Variants in ARHGAP40 observed in about 807,000 individuals in gnomAD.
ARHGAP40 encodes the protein rho GTPase-activating protein 40.
In ARHGAP40, 43 loss-of-function variants were observed where a neutral mutation model predicts 73.5. The ratio of observed to expected loss-of-function variants is 0.58; its 90% CI spans 0.46 to 0.75. The LOEUF is 0.75. ARHGAP40 is among the 30% of genes least tolerant of loss of function. The pLI is 0.00. For missense variants in ARHGAP40, 734 were observed against 861.8 expected (o/e 0.85, Z 1.86); for synonymous variants, 300 against 352.8 (o/e 0.85, Z 1.68).
chr20:38,628,212 G>C (rs2088914541), intron 3 of ARHGAP40, among the ~76,000 whole-genome samples: 1 of 152,196 alleles, frequency 6.6e-6, no homozygotes, highest in African/African-American at 2.4e-5. Flanking sequence ...ATGGTAAACT[G>C]TCATGGCACT....
intron 3 of ARHGAP40, among the ~76,000 whole-genome samples, chr20:38,628,578 A>G (rs758324450): frequency 6.6e-6 from 1 of 152,218 alleles, no homozygotes; most frequent in Non-Finnish European, 1.5e-5. Context: ...TGCTGGGATT[A>G]CAGGCGTGAG....
At position 38,630,921 on chromosome 20, in the gene ARHGAP40, A is replaced by G. The variant is rs183725022; in HGVS notation, c.783+1271A>G. On this transcript the variant is annotated intron_variant, in intron 5 of 14. Transcript: ENST00000373345. ...GACCACGTGATGATGCAGTCGATGC[A>G]ATCTTAGGTAACATTTTACTGAGGG... Among the ~76,000 whole-genome samples, 397 of 152,228 alleles carry G rather than the reference A, an allele frequency of 2.6e-3. 2 individuals carry two copies. Among genetic ancestry groups the G allele is most frequent in the African/African-American group, 9.2e-3 (382 of 41,532 alleles).
At position 38,642,250 on chromosome 20, in the gene ARHGAP40, G is replaced by C. The variant is rs374354994; in HGVS notation, c.1362+442G>C. ...GTTGTGGAAAGCATTGCATGGCACT[G>C]GTGTTCCATGCAGAACCAGTTTGGG... On this transcript the variant is annotated intron_variant, in intron 10 of 14. Coordinates refer to ENST00000373345, the Ensembl canonical transcript of ARHGAP40. Among the ~76,000 whole-genome samples, 13 of 152,270 alleles carry C rather than the reference G, an allele frequency of 8.5e-5. 2 individuals carry two copies. The highest frequency in any genetic ancestry group is 3.1e-4 in the African/African-American group (13 of 41,558).
At position 38,603,635 on chromosome 20, in the gene ARHGAP40, A is replaced by G. The variant is rs569129519; in HGVS notation, c.137+1556A>G. On this transcript the variant is annotated intron_variant, in intron 1 of 14. Coordinates refer to ENST00000373345, the Ensembl canonical transcript of ARHGAP40. The stretch of plus-strand genomic sequence containing the variant: ...TTTATATTAGTTTTCTATTGCTGCT[A>G]TAACAAATCACATAAACTTAGTAGC... Among the ~76,000 whole-genome samples, 36 of 152,298 alleles carry G rather than the reference A, an allele frequency of 2.4e-4. No homozygotes were observed. In the South Asian group the frequency reaches 6.6e-3, roughly 28 times the overall value.
intron 1 of ARHGAP40, among the ~76,000 whole-genome samples, chr20:38,603,564 A>G (rs1291134959): frequency 3.3e-5 from 5 of 150,710 alleles, no homozygotes; most frequent in Admixed American, 1.3e-4. Flanking sequence ...GCTATAACAA[A>G]TCACATAAGC....
chr20:38,639,486 T>A (rs1189586893), intron 9 of ARHGAP40, 100 bp downstream of exon 9: 1 of 1,205,446 alleles, frequency 8.3e-7, no homozygotes, highest in East Asian at 5.9e-5. Context: ...TCCGTGTTCC[T>A]GGAAATGTCT....
exon 6 of ARHGAP40, chr20:38,634,727 C>G: frequency 1.5e-6 from 2 of 1,304,956 alleles, no homozygotes; most frequent in South Asian, 1.2e-5. Flanking sequence ...TGACCGCGCT[C>G]TGTGACATCC....
intron 5 of ARHGAP40, among the ~76,000 whole-genome samples, chr20:38,632,418 T>C (rs946903887): frequency 6.6e-5 from 10 of 151,796 alleles, no homozygotes; most frequent in Non-Finnish European, 1.3e-4. Context: ...CCCGCCACCA[T>C]GCCTGGCTAA....
chr20:38,617,376 A>G (rs2088847880), intron 1 of ARHGAP40, among the ~76,000 whole-genome samples: 1 of 151,838 alleles, frequency 6.6e-6, no homozygotes, highest in Non-Finnish European at 1.5e-5. Context: ...TATTATTCTC[A>G]CTGCCTGCTA....
At chr20:38,632,803 C>A (rs2088949465) in intron 5 of ARHGAP40, among the ~76,000 whole-genome samples, 2 of 151,180 alleles carry the variant, frequency 1.3e-5, no homozygotes, top group African/African-American at 4.9e-5. Context: ...TAGCAAGACC[C>A]CATCTCTACA....
intron 13 of ARHGAP40, among the ~76,000 whole-genome samples, chr20:38,648,356 C>T (rs941255511): frequency 5.3e-5 from 8 of 152,258 alleles, no homozygotes; most frequent in Non-Finnish European, 8.8e-5. Flanking sequence ...CCCTTGCCTT[C>T]GCAGTCTCCA....
chr20:38,639,520 G>A, intron 9 of ARHGAP40, 134 bp downstream of exon 9: 14 of 1,064,060 alleles, frequency 1.3e-5, no homozygotes, highest in Non-Finnish European at 1.6e-5. Context: ...CCAACTGATG[G>A]GGGAAGAAGC....
chr20:38,639,102 C>T, intron 8 of ARHGAP40, 125 bp from the exon 9 acceptor site: 5 of 1,038,390 alleles, frequency 4.8e-6, no homozygotes, highest in South Asian at 3.0e-5. Context: ...TACTTCAACC[C>T]CACGAGGGAG....
At chr20:38,637,726 T>G (rs1257506241) in exon 7 of ARHGAP40, 6 of 1,305,192 alleles carry the variant, frequency 4.6e-6, no homozygotes, top group Non-Finnish European at 4.0e-6. Flanking sequence ...CTCTTTGGTG[T>G]GCCCCTTGAC....
intron 1 of ARHGAP40, chr20:38,615,388 C>T (rs949293776): frequency 5.4e-6 from 4 of 739,044 alleles, no homozygotes; most frequent in Non-Finnish European, 1.0e-5. Context: ...GGTACCCACC[C>T]CAATGAGGTA....
intron 14 of ARHGAP40, among the ~76,000 whole-genome samples, chr20:38,649,422 C>T (rs73905663): frequency 0.011 from 1,742 of 152,220 alleles, 24 homozygotes; most frequent in African/African-American, 0.039. Flanking sequence ...CAGGAGTGTT[C>T]GCATCCTGGA....
At chr20:38,644,545 A>G (rs1031549651) in intron 11 of ARHGAP40, among the ~76,000 whole-genome samples, 3 of 151,716 alleles carry the variant, frequency 2.0e-5, no homozygotes, top group Non-Finnish European at 4.4e-5. Context: ...TCAGTCTCCC[A>G]TCCATCCACC....
At position 38,627,563 on chromosome 20, in the gene ARHGAP40, G is replaced by C. The variant is rs931520232; in HGVS notation, c.558+348G>C. ...TGTGTGTTGGTGTGTGTTGGGGTAT[G>C]TGTGTTGAGTGTGTGTGTTGTGTGT... On this transcript the variant is annotated intron_variant, in intron 3 of 14. Coordinates refer to ENST00000373345, the Ensembl canonical transcript of ARHGAP40. 3.4e-5 allele frequency among the ~76,000 whole-genome samples: 5 copies of C among 145,474 alleles called. 1 individual carries two copies. The highest frequency in any genetic ancestry group is 2.7e-4 in the Admixed American group (4 of 14,554).
intron 11 of ARHGAP40, among the ~76,000 whole-genome samples, chr20:38,644,474 G>C (rs992440964): frequency 1.3e-5 from 2 of 152,098 alleles, no homozygotes; most frequent in African/African-American, 4.8e-5. Context: ...TGCTGACCAG[G>C]CTGCTTTCTC....
Sources: gnomAD v4.1 joint callset for allele counts (sites outside exome capture counted in the v4.1 genomes callset) on GRCh38, gnomAD v4.1.1 for gene constraint, MANE v1.5 for transcripts, NCBI Gene and HGNC (gene_info 2026-07-23, HGNC 2026-07-21) for gene names.